MED16: variants seen among roughly 807,000 people sequenced by gnomAD.
MED16 encodes the protein mediator of RNA polymerase II transcription subunit 16.
A neutral mutation model predicts 84.4 loss-of-function variants in MED16; 81 were observed. The observed-to-expected ratio is 0.96, with a 90% confidence interval of 0.80 to 1.15. The LOEUF is 1.15. Among genes scored for constraint, MED16 ranks in the 50% most tolerant of loss-of-function variants. MED16 has a pLI of 0.00. For missense variants in MED16, 1,585 were observed against 1,245.9 expected, an observed-to-expected ratio of 1.27 and a Z score of -4.10; for synonymous variants, 897 against 552.2, an observed-to-expected ratio of 1.62 and a Z score of -8.76.
chr19:870,816 G>C (rs1373433723), intron 13 of MED16, among the ~76,000 whole-genome samples: 1 of 148,042 alleles, frequency 6.8e-6, no homozygotes, highest in African/African-American at 2.5e-5. Context: ...ATGGAGGGAG[G>C]GAGCCGTGTG....
chr19:888,077 G>A (rs1039009149), intron 4 of MED16, among the ~76,000 whole-genome samples: 17 of 151,874 alleles, frequency 1.1e-4, no homozygotes, highest in African/African-American at 2.4e-4. Context: ...GGTGGCGGGC[G>A]CCTGTAATCC....
At chr19:871,511 C>T (rs1216807847) in intron 12 of MED16, 39 of 1,536,020 alleles carry the variant, frequency 2.5e-5, no homozygotes, top group Non-Finnish European at 3.2e-5. Context: ...ATGTGGGAAG[C>T]ACTGTGCCTT....
chr19:875,745 G>T (rs547278532), intron 9 of MED16, among the ~76,000 whole-genome samples: 6 of 152,264 alleles, frequency 3.9e-5, no homozygotes, highest in Middle Eastern at 3.4e-3. Flanking sequence ...GCCAAGTAAC[G>T]GGTGGAGGCT....
Position 890,259 on chromosome 19 carries a change from C to T in MED16, c.170-15G>A, listed in dbSNP as rs778877685. Reference sequence around the variant, plus strand: ...GCGGGTCAGGTCTGTGGGGACGGGGCATGGTCAGCACGGCCTGGCACCACA... The same window carrying T: ...GCGGGTCAGGTCTGTGGGGACGGGGTATGGTCAGCACGGCCTGGCACCACA... On this transcript the variant is annotated splice_polypyrimidine_tract_variant and intron_variant, in intron 2 of 15. Transcript: ENST00000325464. 89 of 1,513,546 alleles carry T rather than the reference C, an allele frequency of 5.9e-5. 1 individual carries two copies. The highest frequency in any genetic ancestry group is 3.4e-4 in the Middle Eastern group (2 of 5,838). 93.8% of individuals were successfully genotyped at this position (1,513,546 alleles called of 1,614,324 possible). A position where few individuals can be genotyped will look rare whatever the true frequency, so the allele number is the denominator to read the frequency against.
Position 890,406 on chromosome 19 carries a change from C to A in MED16, c.170-162G>T, listed in dbSNP as rs956424165. ...CAGCTCAGGGAACAGGCTGTCCCCC[C>A]GCAGGAACAGAGCAGGCCTGTGAGG... On this transcript the variant is annotated intron_variant, in intron 2 of 15. Coordinates refer to ENST00000325464, the MANE Select transcript of MED16 (RefSeq NM_005481.3). The A allele has an allele frequency of 4.5e-5, 25 of 558,608 alleles. No individual in the cohort carries two copies. In the South Asian group the frequency reaches 5.5e-4, roughly 12 times the overall value. The allele number at this position is 558,608 out of a possible 1,614,324, so 34.6% of individuals were successfully genotyped here. A position where few individuals can be genotyped will look rare whatever the true frequency, so the allele number is the denominator to read the frequency against.
chr19:872,304 T>C (rs572020782), intron 11 of MED16, among the ~76,000 whole-genome samples, 186 bp from the exon 12 acceptor site: 2 of 152,072 alleles, frequency 1.3e-5, no homozygotes, highest in East Asian at 3.9e-4. Context: ...CTCAGAGCCC[T>C]GCAGGGCCCA....
chr19:882,513 G>C (rs766668169), intron 6 of MED16, among the ~76,000 whole-genome samples: 12 of 152,222 alleles, frequency 7.9e-5, no homozygotes, highest in Non-Finnish European at 1.8e-4. Context: ...AACACAGCAA[G>C]AGCCTAGCTC....
chr19:877,331 G>A (rs897312440), intron 8 of MED16, 151 bp from the exon 9 acceptor site: 13 of 724,016 alleles, frequency 1.8e-5, no homozygotes, highest in East Asian at 5.4e-5. Context: ...TGTCTGTAGC[G>A]TCTGTACCTT....
chr19:890,849 G>A (rs1599347609), intron 2 of MED16, 114 bp downstream of exon 2: 7 of 1,154,784 alleles, frequency 6.1e-6, no homozygotes, highest in Non-Finnish European at 8.4e-6. Flanking sequence ...GGGCCAGGGT[G>A]AGTGAGAGGT....
chr19:876,880 C>CCACGGGGCCCCCACCTGCCACGGGG, intron 9 of MED16, 94 bp downstream of exon 9: 1 of 1,133,806 alleles, frequency 8.8e-7, no homozygotes, highest in Non-Finnish European at 1.2e-6. Context: ...TGCCACGGGG[C>CCACGGGGCCCCCACCTGCCACGGGG]CCCCACCTGC....
Position 885,861 on chromosome 19 carries a change from A to G in MED16, c.788T>C (p.Leu263Pro). The G allele has an allele frequency of 6.2e-7, 1 of 1,613,788 alleles. No homozygotes were observed. The highest frequency in any genetic ancestry group is 8.5e-7 in the Non-Finnish European group (1 of 1,179,960). ...GAGGTCGGTGGTGCAGCGCATGAAC[A>G]GGGAGGGCAGGATCTCCGTGTCGAT... ...CRIDTEILPSLFMRCTTDLNR... is the reference protein window; with the variant it reads ...CRIDTEILPSPFMRCTTDLNR... The change falls in exon 5 of 16, where the codon CTG becomes CCG. Residue 263 changes from leucine to proline, a missense_variant. By Grantham distance (98) the Leu-to-Pro change is moderately conservative. Coordinates refer to ENST00000325464, the MANE Select transcript of MED16 (RefSeq NM_005481.3).
chr19:868,840 C>T (rs1190745300), intron 14 of MED16, 23 bp downstream of exon 14: 8 of 1,543,476 alleles, frequency 5.2e-6, no homozygotes, highest in Non-Finnish European at 6.1e-6. Context: ...CTCTGGGAGT[C>T]AGCGGTTCCG....
chr19:873,237 C>A (rs906462507), intron 11 of MED16, among the ~76,000 whole-genome samples: 7 of 126,384 alleles, frequency 5.5e-5, no homozygotes, highest in Non-Finnish European at 1.1e-4. Context: ...AGTGGGACTC[C>A]AAGTAGGGGT....
At chr19:892,573 G>C (rs1218079376) in intron 1 of MED16, 1 of 114,812 alleles carries the variant, frequency 8.7e-6, no homozygotes, top group African/African-American at 3.5e-5. Context: ...CCAATCTCCA[G>C]GGTCCATCCC....
chr19:877,424 C>A lies in MED16; in HGVS notation c.1354-244G>T, dbSNP rs370338394. On this transcript the variant is annotated intron_variant, in intron 8 of 15. Transcript: ENST00000325464. ...CGACTGCACTGGATGCCGAGCCAGG[C>A]TTACACTCGTCTGCTTTACCTGAGG... 4.1e-4 allele frequency among the ~76,000 whole-genome samples: 62 copies of A among 152,260 alleles called. No individual in the cohort carries two copies. The South Asian group carries it at 9.3e-3, about 23-fold the overall frequency.
chr19:880,084 C>T lies in MED16; in HGVS notation c.1206G>A (p.Met402Ile), dbSNP rs2036387357. The T allele has an allele frequency of 1.2e-6, 2 of 1,610,756 alleles. No individual in the cohort carries two copies. The highest frequency in any genetic ancestry group is 1.7e-6 in the Non-Finnish European group (2 of 1,179,422). The change falls in exon 8 of 16, where the codon ATG (methionine) becomes ATA (isoleucine). Residue 402 changes from methionine to isoleucine, a missense_variant. Met to Ile is a conservative substitution (Grantham distance 10). Transcript: ENST00000325464. The stretch of plus-strand genomic sequence containing the variant: ...GGGCCGCGGAGCTGTAGAAGACGGC[C>T]ATGGTCTGCAGTGAGAGCCGGTGCA... ...HIVHRLSLQT[M>I]AVFYSSAAPR...
intron 13 of MED16, 26 bp from the exon 14 acceptor site, chr19:868,972 G>A (rs2035983465): frequency 6.6e-7 from 1 of 1,523,358 alleles, no homozygotes; most frequent in African/African-American, 1.4e-5. Context: ...AGAACGTGAG[G>A]GAGGCCTGGG....
At chr19:889,395 A>G (rs149933504) in intron 4 of MED16, among the ~76,000 whole-genome samples, 1 of 152,198 alleles carries the variant, frequency 6.6e-6, no homozygotes, top group Non-Finnish European at 1.5e-5. Context: ...ATGAGGGGCC[A>G]CTGAACACGC....
chr19:868,649 T>A (rs921257973), intron 14 of MED16, 150 bp from the exon 15 acceptor site: 3 of 1,196,452 alleles, frequency 2.5e-6, no homozygotes, highest in African/African-American at 3.1e-5. Flanking sequence ...CCTCTGCCCA[T>A]GCTTCTCCTC....
Sources: gnomAD v4.1 joint callset for allele counts (sites outside exome capture counted in the v4.1 genomes callset) on GRCh38, gnomAD v4.1.1 for gene constraint, MANE v1.5 for transcripts, NCBI Gene and HGNC (gene_info 2026-07-23, HGNC 2026-07-21) for gene names.